AJAP1: variants seen among roughly 807,000 people sequenced by gnomAD.
AJAP1 encodes adherens junctions associated protein 1.
In AJAP1, 5 loss-of-function variants were observed where a neutral mutation model predicts 35.0. That is an observed-to-expected ratio of 0.14 (90% confidence interval 0.07 to 0.30). The LOEUF is 0.30. AJAP1 is among the 10% of genes least tolerant of loss of function. The pLI is 1.00. For missense variants in AJAP1, 586 were observed against 571.0 expected (o/e 1.03, Z -0.27); for synonymous variants, 284 against 249.3 (o/e 1.14, Z -1.31).
chr1:4,733,422 C>CCATT (rs3835539), intron 2 of AJAP1, among the ~76,000 whole-genome samples: 45,696 of 145,156 alleles, frequency 0.31, 7,593 homozygotes, highest in African/African-American at 0.38. Context: ...ACCTGTTCAA[C>CCATT]CATTCATTCA....
In AJAP1 at chr1:4,773,844, A is replaced by T. The variant is rs113729491; in HGVS notation, c.1164-583A>T. ...CCCACCTTCTGTGCTTGTGTTATGC[A>T]GGGAGGTGGGGTGGGGGGCTGTCCA... On this transcript the variant is annotated intron_variant, in intron 4 of 5. Coordinates refer to ENST00000378191, the MANE Select transcript of AJAP1 (RefSeq NM_018836.4). 7.8e-3 allele frequency among the ~76,000 whole-genome samples: 1,193 copies of T among 152,220 alleles called. 21 individuals carry two copies. The highest frequency in any genetic ancestry group is 0.027 in the African/African-American group (1,129 of 41,532).
rs1204739046 is a variant in AJAP1, at chr1:4,786,708, C to T, written c.*4223C>T. ...AGGTGGTCCAGGGTTGTCTGTAGCC[C>T]AGGAAGCGGACTGACCCTGTATCTT... is the stretch of plus-strand genomic sequence containing the variant. On this transcript the variant is annotated 3_prime_UTR_variant, in exon 6 of 6. Coordinates refer to ENST00000378191, the MANE Select transcript of AJAP1 (RefSeq NM_018836.4). 1 of 152,178 alleles carries T rather than the reference C, an allele frequency of 6.6e-6. No homozygotes were observed. Among genetic ancestry groups the T allele is most frequent in the Non-Finnish European group, 1.5e-5 (1 of 68,050 alleles). The allele number at this position is 152,178 out of a possible 1,614,324, so 9.4% of individuals were successfully genotyped here.
intron 2 of AJAP1, among the ~76,000 whole-genome samples, chr1:4,719,990 G>T (rs2100280702): frequency 6.6e-6 from 1 of 152,242 alleles, no homozygotes; most frequent in South Asian, 2.1e-4. Flanking sequence ...TCTCCTGGTG[G>T]AACCCTCTGC....
Position 4,783,521 on chromosome 1 carries a change from G to GTATATA in AJAP1, c.*1054_*1059dup, listed in dbSNP as rs36004956. 16 of 120,428 alleles carry GTATATA rather than the reference G, an allele frequency of 1.3e-4. No homozygotes were observed. Among genetic ancestry groups the GTATATA allele is most frequent in the African/African-American group, 4.4e-4 (14 of 31,706 alleles). 7.5% of individuals were successfully genotyped at this position (120,428 alleles called of 1,614,324 possible). ...TATATATATATATATGTTTGTGTGT[G>GTATATA]TATATATATATATATATATATATGT... On this transcript the variant is annotated 3_prime_UTR_variant, in exon 6 of 6. Transcript: ENST00000378191.
chr1:4,762,364 G>A (rs934627537), intron 2 of AJAP1, among the ~76,000 whole-genome samples: 2 of 152,144 alleles, frequency 1.3e-5, no homozygotes, highest in African/African-American at 4.8e-5. Context: ...ATAATACAAC[G>A]GTACAACTTA....
intron 2 of AJAP1, among the ~76,000 whole-genome samples, chr1:4,754,380 T>G (rs1320696248): frequency 6.6e-6 from 1 of 152,198 alleles, no homozygotes; most frequent in African/African-American, 2.4e-5. Flanking sequence ...AGTTTGCCAA[T>G]TCTTGCTCTC....
At chr1:4,689,387 G>C (rs77278319) in intron 1 of AJAP1, among the ~76,000 whole-genome samples, 1 of 152,202 alleles carries the variant, frequency 6.6e-6, no homozygotes, top group African/African-American at 2.4e-5. Flanking sequence ...GTGGAGCCTC[G>C]CGCAGCCCAC....
Position 4,702,621 on chromosome 1 carries a change from G to A in AJAP1, c.30-9279G>A, listed in dbSNP as rs372059245. Among the ~76,000 whole-genome samples the A allele has an allele frequency of 8.3e-4, 126 of 152,282 alleles. 1 individual carries two copies. Among genetic ancestry groups the A allele is most frequent in the Middle Eastern group, 6.8e-3 (2 of 294 alleles). ...TGTCATGGTCCCTTCCGTCTGGGGC[G>A]TCCTGGGGCTCCCGGTGAGGCCAGC... On this transcript the variant is annotated intron_variant, in intron 1 of 5. Transcript: ENST00000378191.
intron 1 of AJAP1, among the ~76,000 whole-genome samples, chr1:4,691,591 C>T (rs576165820): frequency 3.9e-5 from 6 of 152,148 alleles, no homozygotes; most frequent in South Asian, 4.1e-4. Context: ...GGAGGAGAGT[C>T]GGAGCTAACT....
intron 2 of AJAP1, among the ~76,000 whole-genome samples, chr1:4,749,193 A>C (rs1274610037): frequency 6.6e-6 from 1 of 152,194 alleles, no homozygotes; most frequent in Non-Finnish European, 1.5e-5. Flanking sequence ...GAGTGTGTCC[A>C]GCTTAGGTCC....
chr1:4,766,215 G>A (rs1431857198), intron 2 of AJAP1, among the ~76,000 whole-genome samples: 1 of 135,988 alleles, frequency 7.4e-6, no homozygotes, highest in Non-Finnish European at 1.7e-5. Flanking sequence ...GTCTGTGGCT[G>A]CTTTTTTTGC....
chr1:4,657,832 T>C (rs1638915744), intron 1 of AJAP1, among the ~76,000 whole-genome samples: 1 of 151,868 alleles, frequency 6.6e-6, no homozygotes, highest in Admixed American at 6.6e-5. Context: ...TTTTTTCTTT[T>C]CCCCCCAAGA....
chr1:4,722,250 C>T (rs867886464), intron 2 of AJAP1, among the ~76,000 whole-genome samples: 1 of 152,194 alleles, frequency 6.6e-6, no homozygotes, highest in Non-Finnish European at 1.5e-5. Flanking sequence ...ACAGAGGAGG[C>T]CCTCTGGGTT....
At chr1:4,668,602 G>C (rs1048756424) in intron 1 of AJAP1, among the ~76,000 whole-genome samples, 1 of 152,232 alleles carries the variant, frequency 6.6e-6, no homozygotes, top group South Asian at 2.1e-4. Context: ...AAAGGCAGCA[G>C]AGTGGTGCCT....
At chr1:4,754,552 G>T (rs980685986) in intron 2 of AJAP1, among the ~76,000 whole-genome samples, 2 of 152,176 alleles carry the variant, frequency 1.3e-5, no homozygotes, top group African/African-American at 4.8e-5. Context: ...TGGCTTCCTG[G>T]CCTCAAGCAG....
chr1:4,743,245 G>A (rs1641111602), intron 2 of AJAP1, among the ~76,000 whole-genome samples: 1 of 152,180 alleles, frequency 6.6e-6, no homozygotes, highest in Non-Finnish European at 1.5e-5. Flanking sequence ...AATTTCATCA[G>A]GTCCCAAGGA....
intron 1 of AJAP1, among the ~76,000 whole-genome samples, chr1:4,696,632 A>G (rs1400120256): frequency 1.3e-5 from 2 of 152,236 alleles, no homozygotes; most frequent in Non-Finnish European, 2.9e-5. Context: ...CAGGCTGCAG[A>G]GGGAACCTTG....
intron 2 of AJAP1, among the ~76,000 whole-genome samples, chr1:4,758,431 A>G (rs770994250): frequency 4.6e-5 from 7 of 152,184 alleles, no homozygotes; most frequent in African/African-American, 1.4e-4. Context: ...GGCCTCAGGA[A>G]ACTTACAATC....
At chr1:4,757,170 TC>T (rs1641451926) in intron 2 of AJAP1, among the ~76,000 whole-genome samples, 1 of 152,194 alleles carries the variant, frequency 6.6e-6, no homozygotes, top group Non-Finnish European at 1.5e-5. Context: ...TTCTGGTCTT[TC>T]TCTCAGAAGA....
Sources: gnomAD v4.1 joint callset for allele counts (sites outside exome capture counted in the v4.1 genomes callset) on GRCh38, gnomAD v4.1.1 for gene constraint, MANE v1.5 for transcripts, NCBI Gene and HGNC (gene_info 2026-07-23, HGNC 2026-07-21) for gene names.